CSMD1: variants seen among roughly 807,000 people sequenced by gnomAD.
CSMD1 encodes CUB and Sushi multiple domains 1, also known as CUB and sushi domain-containing protein 1.
Under a neutral mutation model 417.5 loss-of-function variants are expected in CSMD1, and 213 were observed. That is an observed-to-expected ratio of 0.51 (90% CI 0.46 to 0.57). The LOEUF (loss-of-function observed/expected upper bound fraction) is 0.57. CSMD1 is among the 20% of genes least tolerant of loss of function. The pLI is 0.00. For missense variants in CSMD1, 6,923 were observed against 4,529.7 expected (o/e 1.53, Z -15.17); for synonymous variants, 2,862 against 1,736.8 (o/e 1.65, Z -16.11).
At chr8:4,728,378 G>C (rs1809613851) in intron 1 of CSMD1, among the ~76,000 whole-genome samples, 1 of 151,800 alleles carries the variant, frequency 6.6e-6, no homozygotes, top group Non-Finnish European at 1.5e-5. Flanking sequence ...ATGATATAAG[G>C]GACGTATTTA....
chr8:3,063,349 T>C (rs998834689), intron 49 of CSMD1, among the ~76,000 whole-genome samples: 1 of 152,142 alleles, frequency 6.6e-6, no homozygotes, highest in Non-Finnish European at 1.5e-5. Flanking sequence ...TAGGAAATAA[T>C]GAGTGCTGAC....
At chr8:3,644,164 A>G (rs564992751) in intron 7 of CSMD1, among the ~76,000 whole-genome samples, 42 of 152,332 alleles carry the variant, frequency 2.8e-4, no homozygotes, top group South Asian at 2.1e-3. Flanking sequence ...TAGGCCCCCA[A>G]TGTAGACTTA....
At chr8:3,069,097 G>A (rs1275817225) in intron 49 of CSMD1, among the ~76,000 whole-genome samples, 1 of 152,010 alleles carries the variant, frequency 6.6e-6, no homozygotes, top group African/African-American at 2.4e-5. Context: ...GGAGATATAG[G>A]TATTGGGCAA....
At chr8:2,973,530 A>G (rs1247574390) in intron 56 of CSMD1, among the ~76,000 whole-genome samples, 1 of 152,168 alleles carries the variant, frequency 6.6e-6, no homozygotes, top group Non-Finnish European at 1.5e-5. Flanking sequence ...CTATTCAAAT[A>G]TGGTTGTGAG....
chr8:4,118,545 C>G (rs748035814), intron 3 of CSMD1, among the ~76,000 whole-genome samples: 3 of 152,092 alleles, frequency 2.0e-5, no homozygotes, highest in Non-Finnish European at 4.4e-5. Context: ...AATGGGATAC[C>G]ATCTCACGCC....
intron 3 of CSMD1, among the ~76,000 whole-genome samples, chr8:4,390,630 C>G (rs1373446450): frequency 6.6e-6 from 1 of 152,062 alleles, no homozygotes; most frequent in Non-Finnish European, 1.5e-5. Flanking sequence ...TCTCCTGCCT[C>G]AGCCTCCCAA....
chr8:4,042,513 G>A (rs1012649159), intron 3 of CSMD1, among the ~76,000 whole-genome samples: 6 of 151,966 alleles, frequency 3.9e-5, no homozygotes, highest in Non-Finnish European at 7.4e-5. Flanking sequence ...CTGAAAGCCC[G>A]TCACTAGCAG....
At chr8:4,505,068 C>G (rs759398923) in intron 2 of CSMD1, among the ~76,000 whole-genome samples, 1 of 152,168 alleles carries the variant, frequency 6.6e-6, no homozygotes. Context: ...CTGTCTTCCA[C>G]AATGGTTGAA....
At chr8:3,903,403 A>G (rs1230746417) in intron 5 of CSMD1, among the ~76,000 whole-genome samples, 1 of 152,174 alleles carries the variant, frequency 6.6e-6, no homozygotes, top group Non-Finnish European at 1.5e-5. Context: ...AAGCTTTCCA[A>G]TGCCAGAGCA....
At chr8:4,168,831 C>A (rs371726381) in intron 3 of CSMD1, among the ~76,000 whole-genome samples, 1 of 152,134 alleles carries the variant, frequency 6.6e-6, no homozygotes, top group Non-Finnish European at 1.5e-5. Flanking sequence ...TTCCGGCTCT[C>A]TGTTGTCTTC....
Position 4,464,822 on chromosome 8 carries a change from G to T in CSMD1, c.303-44757C>A, listed in dbSNP as rs372549311. 3.9e-5 allele frequency among the ~76,000 whole-genome samples: 6 copies of T among 152,148 alleles called. No homozygotes were observed. The East Asian group carries it at 7.7e-4, about 20-fold the overall frequency. ...GAAAACTGATTCTCTTTGAAGTTTT[G>T]GGAGGAAAGTATCTATGATCCCAAT... On this transcript the variant is annotated intron_variant, in intron 2 of 69. Coordinates refer to ENST00000635120, the MANE Select transcript of CSMD1 (RefSeq NM_033225.6).
chr8:3,584,505 G>A (rs900179799), intron 9 of CSMD1, among the ~76,000 whole-genome samples: 2 of 151,496 alleles, frequency 1.3e-5, no homozygotes, highest in African/African-American at 4.8e-5. Flanking sequence ...AGCCTGGATG[G>A]AGCAGCTGTT....
rs1800532227 is a variant in CSMD1 at position 3,696,005 on chromosome 8, T to C, written c.1009+12409A>G. Among the ~76,000 whole-genome samples the C allele has an allele frequency of 2.0e-5, 3 of 152,204 alleles. No homozygotes were observed. In the South Asian group the frequency reaches 6.2e-4, roughly 32 times the overall value. On this transcript the variant is annotated intron_variant, in intron 7 of 69. Coordinates refer to ENST00000635120, the MANE Select transcript of CSMD1 (RefSeq NM_033225.6). ...TTTTTTCCAGTGTTAGAAATATGAC[T>C]TGTGGAAGACCTACCATTTGTATAT...
intron 3 of CSMD1, among the ~76,000 whole-genome samples, chr8:4,117,255 T>C (rs1802208095): frequency 6.7e-6 from 1 of 149,928 alleles, no homozygotes; most frequent in African/African-American, 2.5e-5. Context: ...TCCTCTCATC[T>C]ATAATCCCAA....
chr8:3,268,580 C>T (rs755069483), intron 26 of CSMD1, among the ~76,000 whole-genome samples: 8 of 152,052 alleles, frequency 5.3e-5, no homozygotes, highest in Non-Finnish European at 7.4e-5. Context: ...GCCACCGTGC[C>T]AGGCCCAGAT....
chr8:4,314,589 G>C (rs898146402), intron 3 of CSMD1, among the ~76,000 whole-genome samples: 5 of 124,272 alleles, frequency 4.0e-5, no homozygotes, highest in African/African-American at 9.2e-5. Flanking sequence ...TATGCTACTG[G>C]TTGTATTACA....
intron 1 of CSMD1, among the ~76,000 whole-genome samples, chr8:4,884,881 G>T (rs935114746): frequency 6.6e-6 from 1 of 152,026 alleles, no homozygotes; most frequent in Non-Finnish European, 1.5e-5. Context: ...TTTAGGGTCA[G>T]CTTATCAATT....
chr8:3,002,958 C>G (rs758853158), intron 52 of CSMD1, among the ~76,000 whole-genome samples: 3 of 152,204 alleles, frequency 2.0e-5, no homozygotes, highest in Non-Finnish European at 2.9e-5. Flanking sequence ...AGTTATGTAT[C>G]AGCAGGATTG....
intron 4 of CSMD1, among the ~76,000 whole-genome samples, chr8:4,001,126 A>G (rs978561128): frequency 6.6e-6 from 1 of 152,184 alleles, no homozygotes; most frequent in African/African-American, 2.4e-5. Context: ...ATCACTTTCT[A>G]TTATTTAAAA....
Sources: gnomAD v4.1 joint callset for allele counts (sites outside exome capture counted in the v4.1 genomes callset) on GRCh38, gnomAD v4.1.1 for gene constraint, MANE v1.5 for transcripts, NCBI Gene and HGNC (gene_info 2026-07-23, HGNC 2026-07-21) for gene names.